BMP6: variants seen among roughly 807,000 people sequenced by gnomAD.
BMP6 encodes bone morphogenetic protein 6, also known as VG-1-R.
In BMP6, 17 loss-of-function variants were observed where a neutral mutation model predicts 54.1. That is an observed-to-expected ratio of 0.31 (90% CI 0.22 to 0.47). The LOEUF (loss-of-function observed/expected upper bound fraction) is 0.47, where lower values mean the gene tolerates loss of function less well. Among genes scored for constraint, BMP6 ranks in the 20% least tolerant of loss-of-function variants. The probability of loss-of-function intolerance (pLI) is 1.00; values close to 1 mark genes in which losing one functional copy is unlikely to be tolerated. For synonymous variants in BMP6, 328 were observed against 291.2 expected (o/e 1.13, Z -1.28); for missense variants, 720 against 690.4 (o/e 1.04, Z -0.48).
intron 1 of BMP6, among the ~76,000 whole-genome samples, chr6:7,827,407 TAATAAAGTACAATGTTTTG>T (rs1204681103): frequency 6.6e-6 from 1 of 152,232 alleles, no homozygotes; most frequent in Non-Finnish European, 1.5e-5. Flanking sequence ...GCTACACCAA[TAATAAAGTACAATGTTTTG>T]AATTAGAGGA....
intron 1 of BMP6, among the ~76,000 whole-genome samples, chr6:7,830,502 A>G (rs1377196195): frequency 1.3e-5 from 2 of 152,160 alleles, no homozygotes; most frequent in African/African-American, 4.8e-5. Context: ...ATGAGCTCTG[A>G]TGGACCATCC....
At chr6:7,769,026 C>A (rs955752288) in intron 1 of BMP6, among the ~76,000 whole-genome samples, 10 of 152,156 alleles carry the variant, frequency 6.6e-5, no homozygotes, top group Non-Finnish European at 2.9e-5. Flanking sequence ...TGACTAGATA[C>A]AACAGTTCAA....
At chr6:7,868,885 C>A (rs1225039034) in intron 4 of BMP6, among the ~76,000 whole-genome samples, 1 of 152,140 alleles carries the variant, frequency 6.6e-6, no homozygotes, top group Non-Finnish European at 1.5e-5. Flanking sequence ...TCCCTCCCCA[C>A]CTCTCTCCCT....
intron 1 of BMP6, among the ~76,000 whole-genome samples, chr6:7,809,117 C>CAA (rs113720343): frequency 8.1e-5 from 8 of 99,204 alleles, no homozygotes; most frequent in African/African-American, 2.1e-4. Context: ...CACCCCCCCC[C>CAA]AAAAAAAAAA....
intron 1 of BMP6, among the ~76,000 whole-genome samples, chr6:7,824,633 A>C (rs1238867548): frequency 6.6e-6 from 1 of 152,240 alleles, no homozygotes; most frequent in Non-Finnish European, 1.5e-5. Flanking sequence ...TGATAATCCC[A>C]AAAGGGTAAT....
chr6:7,849,972 C>T (rs1222310346), intron 2 of BMP6, among the ~76,000 whole-genome samples: 2 of 152,094 alleles, frequency 1.3e-5, no homozygotes, highest in Non-Finnish European at 2.9e-5. Context: ...AAGCAATATC[C>T]CAGGTTACTC....
At chr6:7,742,743 C>G (rs909897693) in intron 1 of BMP6, among the ~76,000 whole-genome samples, 2 of 152,082 alleles carry the variant, frequency 1.3e-5, no homozygotes, top group African/African-American at 4.8e-5. Context: ...TAAGTGGGCA[C>G]AAGTGTGTCC....
At chr6:7,870,764 A>G (rs1432586380) in intron 4 of BMP6, among the ~76,000 whole-genome samples, 5 of 152,156 alleles carry the variant, frequency 3.3e-5, no homozygotes, top group African/African-American at 4.8e-5. Flanking sequence ...AGTAGCTGGG[A>G]CTACAGGCAT....
At chr6:7,817,679 A>T (rs1156817980) in intron 1 of BMP6, among the ~76,000 whole-genome samples, 2 of 152,076 alleles carry the variant, frequency 1.3e-5, no homozygotes, top group East Asian at 3.9e-4. Context: ...CATATGTAAC[A>T]AACCTGCACA....
intron 1 of BMP6, among the ~76,000 whole-genome samples, chr6:7,844,823 C>T (rs1280175815): frequency 6.6e-6 from 1 of 152,162 alleles, no homozygotes; most frequent in African/African-American, 2.4e-5. Flanking sequence ...CATACTCTTC[C>T]CATTTTTGCA....
At chr6:7,759,686 C>CT (rs1757579547) in intron 1 of BMP6, among the ~76,000 whole-genome samples, 2 of 113,090 alleles carry the variant, frequency 1.8e-5, no homozygotes, top group Admixed American at 1.9e-4. Context: ...AGACTAATTT[C>CT]TTTCTTCTTC....
intron 1 of BMP6, among the ~76,000 whole-genome samples, chr6:7,787,326 C>T (rs1402008446): frequency 6.6e-6 from 1 of 152,170 alleles, no homozygotes; most frequent in African/African-American, 2.4e-5. Flanking sequence ...GGAGCTACAC[C>T]TCTAAAACAG....
intron 1 of BMP6, among the ~76,000 whole-genome samples, 178 bp from the exon 2 acceptor site, chr6:7,844,962 A>G (rs1003096472): frequency 1.3e-5 from 2 of 152,194 alleles, no homozygotes; most frequent in African/African-American, 4.8e-5. Context: ...GGTAACATGA[A>G]GGATTTTCAT....
chr6:7,824,262 C>A (rs530276692), intron 1 of BMP6, among the ~76,000 whole-genome samples: 10 of 152,300 alleles, frequency 6.6e-5, no homozygotes, highest in African/African-American at 2.4e-4. Flanking sequence ...GAAGATAGAT[C>A]TAGACTTTCT....
At position 7,726,125 on chromosome 6, in the gene BMP6, G is replaced by A. The variant is rs935284548; in HGVS notation, c.-831G>A. On this transcript the variant is annotated 5_prime_UTR_variant, in exon 1 of 7. Transcript: ENST00000283147. ...GAAAGCCCACGTTGGCCGCTGCGGG[G>A]AGCGCGGCGTGGAGAGGCGGGAGAC... is the stretch of plus-strand genomic sequence containing the variant. Among the ~76,000 whole-genome samples the A allele has an allele frequency of 6.6e-6, 1 of 152,360 alleles. No homozygotes were observed. The highest frequency in any genetic ancestry group is 6.5e-5 in the Admixed American group (1 of 15,312).
intron 1 of BMP6, among the ~76,000 whole-genome samples, chr6:7,800,226 T>C (rs1364386096): frequency 6.6e-6 from 1 of 152,096 alleles, no homozygotes; most frequent in African/African-American, 2.4e-5. Context: ...GCCTGTACTA[T>C]AAAGTGGGAT....
chr6:7,790,514 CAAAAAAAAAAAA>C (rs35572440), intron 1 of BMP6, among the ~76,000 whole-genome samples: 23,472 of 73,002 alleles, frequency 0.32, 2,715 homozygotes, highest in East Asian at 0.58. Flanking sequence ...GACCCTGTCT[CAAAAAAAAAAAA>C]AAAAAAAAAA....
chr6:7,832,023 G>T (rs1439436888), intron 1 of BMP6, among the ~76,000 whole-genome samples: 1 of 152,188 alleles, frequency 6.6e-6, no homozygotes, highest in African/African-American at 2.4e-5. Flanking sequence ...GAGGCTTGCA[G>T]CCCAGCAGGT....
At chr6:7,761,435 G>A (rs1424972557) in intron 1 of BMP6, among the ~76,000 whole-genome samples, 18 of 152,204 alleles carry the variant, frequency 1.2e-4, no homozygotes, top group Admixed American at 1.1e-3. Flanking sequence ...TTCTCTTCTT[G>A]TAAGATTGAG....
Sources: allele counts gnomAD v4.1 joint callset (sites outside exome capture counted in the v4.1 genomes callset), GRCh38; gene constraint gnomAD v4.1.1; transcripts MANE v1.5; gene names NCBI Gene and HGNC (gene_info 2026-07-23, HGNC 2026-07-21).